PRKAR2B: variants seen among roughly 807,000 people sequenced by gnomAD.
PRKAR2B encodes the protein cAMP-dependent protein kinase type II-beta regulatory subunit.
A neutral mutation model predicts 49.9 loss-of-function variants in PRKAR2B; 14 were observed. The observed-to-expected ratio is 0.28, with a 90% CI of 0.19 to 0.44. The LOEUF (loss-of-function observed/expected upper bound fraction) is 0.44. PRKAR2B is among the 20% of genes least tolerant of loss of function. The pLI, the probability that PRKAR2B is intolerant of heterozygous loss-of-function variation, is 1.00. For missense variants in PRKAR2B, 393 were observed against 537.9 expected (o/e 0.73, Z 2.67); for synonymous variants, 196 against 197.7 (o/e 0.99, Z 0.07).
At position 107,044,832 on chromosome 7, in the gene PRKAR2B, G is replaced by T; in HGVS notation, c.-76G>T. On this transcript the variant is annotated 5_prime_UTR_variant, in exon 1 of 11. Transcript: ENST00000265717. Reference sequence around the variant, plus strand: ...GCGCCAGCGCCGTAGGCGCTCGCTCGGCAGCCGCGGGGCCCTAGGCCGTGC... The same window carrying T: ...GCGCCAGCGCCGTAGGCGCTCGCTCTGCAGCCGCGGGGCCCTAGGCCGTGC... 2 of 1,212,318 alleles carry T rather than the reference G, an allele frequency of 1.6e-6. No individual in the cohort carries two copies. The highest frequency in any genetic ancestry group is 2.1e-6 in the Non-Finnish European group (2 of 952,278). The allele number at this position is 1,212,318 out of a possible 1,614,324, so 75.1% of individuals were successfully genotyped here. A position where few individuals can be genotyped will look rare whatever the true frequency, so the allele number is the denominator to read the frequency against.
At chr7:107,093,509 T>C (rs1360998538) in intron 2 of PRKAR2B, among the ~76,000 whole-genome samples, 2 of 113,382 alleles carry the variant, frequency 1.8e-5, no homozygotes, top group Non-Finnish European at 4.1e-5. Context: ...CCCACTTTTT[T>C]TTCTTTTTTT....
intron 1 of PRKAR2B, chr7:107,066,765 G>C (rs897225499): frequency 6.6e-6 from 1 of 151,770 alleles, no homozygotes; most frequent in South Asian, 2.1e-4. Context: ...TATAGAGATG[G>C]GGTTTCTCTT....
chr7:107,046,838 A>G (rs1182965990), intron 1 of PRKAR2B, among the ~76,000 whole-genome samples: 2 of 152,036 alleles, frequency 1.3e-5, no homozygotes, highest in Non-Finnish European at 2.9e-5. Context: ...GACCATATAT[A>G]TATATATATT....
At chr7:107,128,370 T>G in intron 4 of PRKAR2B, 75 bp downstream of exon 4, 1 of 1,149,682 alleles carries the variant, frequency 8.7e-7, no homozygotes. Flanking sequence ...TACAGGGTCT[T>G]GAGTTTTGCC....
chr7:107,048,056 C>T (rs1036957894), intron 1 of PRKAR2B, among the ~76,000 whole-genome samples: 3 of 151,802 alleles, frequency 2.0e-5, no homozygotes, highest in African/African-American at 7.3e-5. Context: ...AACGATAAGG[C>T]CATCACTTGC....
At chr7:107,067,232 C>T (rs917988123) in intron 1 of PRKAR2B, 1 of 152,162 alleles carries the variant, frequency 6.6e-6, no homozygotes, top group Non-Finnish European at 1.5e-5. Context: ...CAGCCTTCTT[C>T]TCTATTTTGG....
At chr7:107,139,622 T>A (rs972928337) in intron 4 of PRKAR2B, among the ~76,000 whole-genome samples, 1 of 152,214 alleles carries the variant, frequency 6.6e-6, no homozygotes, top group Admixed American at 6.5e-5. Flanking sequence ...CACTGCAGTC[T>A]CACCTGTGCG....
intron 1 of PRKAR2B, among the ~76,000 whole-genome samples, chr7:107,058,245 T>A (rs1321134327): frequency 6.6e-6 from 1 of 152,156 alleles, no homozygotes; most frequent in East Asian, 1.9e-4. Context: ...TAGGTAGAAG[T>A]ATTGAAAATT....
At chr7:107,143,848 C>T (rs188939989) in intron 5 of PRKAR2B, among the ~76,000 whole-genome samples, 119 of 152,178 alleles carry the variant, frequency 7.8e-4, no homozygotes, top group African/African-American at 2.8e-3. Context: ...AGACTTGGGT[C>T]TCATTCCCAA....
At chr7:107,089,137 C>A (rs1157579730) in intron 2 of PRKAR2B, among the ~76,000 whole-genome samples, 10 of 152,118 alleles carry the variant, frequency 6.6e-5, no homozygotes, top group African/African-American at 2.4e-4. Context: ...CACTGCACTC[C>A]AGCCTGGGAA....
chr7:107,138,890 G>C (rs1318226681), intron 4 of PRKAR2B, among the ~76,000 whole-genome samples: 1 of 151,984 alleles, frequency 6.6e-6, no homozygotes, highest in Admixed American at 6.5e-5. Flanking sequence ...TGTTGCCCAG[G>C]CTGGTCTCAC....
chr7:107,142,983 G>A (rs767698718), intron 5 of PRKAR2B, among the ~76,000 whole-genome samples: 2 of 152,074 alleles, frequency 1.3e-5, no homozygotes, highest in Non-Finnish European at 2.9e-5. Context: ...GGCTGGTCTC[G>A]AACTCCTGCC....
chr7:107,127,105 G>A (rs1795510325), intron 3 of PRKAR2B, among the ~76,000 whole-genome samples: 2 of 152,180 alleles, frequency 1.3e-5, no homozygotes, highest in South Asian at 2.1e-4. Context: ...CATCTGATGT[G>A]GTTTGAAATG....
In PRKAR2B at chr7:107,116,336, C is replaced by T. The variant is rs116369733; in HGVS notation, c.344-5616C>T. Reference sequence around the variant, plus strand: ...TCCCTGCCCTCTGAGCTACCGGTTGCTCCTTTCTCGTCTGTGTTCCTCCGG... The same window carrying T: ...TCCCTGCCCTCTGAGCTACCGGTTGTTCCTTTCTCGTCTGTGTTCCTCCGG... On this transcript the variant is annotated intron_variant, in intron 2 of 10. Coordinates refer to ENST00000265717, the MANE Select transcript of PRKAR2B (RefSeq NM_002736.3). Among the ~76,000 whole-genome samples, 458 of 152,278 alleles carry T rather than the reference C, an allele frequency of 3.0e-3. 4 individuals carry two copies. Among genetic ancestry groups the T allele is most frequent in the African/African-American group, 0.01 (432 of 41,552 alleles).
intron 7 of PRKAR2B, among the ~76,000 whole-genome samples, chr7:107,152,127 C>T (rs1321724709): frequency 6.6e-6 from 1 of 152,204 alleles, no homozygotes; most frequent in African/African-American, 2.4e-5. Flanking sequence ...CGAGTTAGCA[C>T]TGACTCATAT....
intron 2 of PRKAR2B, among the ~76,000 whole-genome samples, chr7:107,073,578 A>G (rs1794328646): frequency 6.6e-6 from 1 of 152,224 alleles, no homozygotes; most frequent in African/African-American, 2.4e-5. Context: ...TCCACAAAAC[A>G]TGATGAAAAA....
intron 5 of PRKAR2B, among the ~76,000 whole-genome samples, chr7:107,146,027 C>A (rs1171909300): frequency 6.6e-6 from 1 of 152,082 alleles, no homozygotes; most frequent in African/African-American, 2.4e-5. Flanking sequence ...AGGTGTGAGA[C>A]CCGGCCTCTC....
At chr7:107,052,436 T>G (rs1187738695) in intron 1 of PRKAR2B, among the ~76,000 whole-genome samples, 1 of 152,076 alleles carries the variant, frequency 6.6e-6, no homozygotes, top group Non-Finnish European at 1.5e-5. Context: ...AAATAAATGG[T>G]GTCCTTTTTA....
At chr7:107,053,824 T>C (rs1019316241) in intron 1 of PRKAR2B, among the ~76,000 whole-genome samples, 6 of 152,092 alleles carry the variant, frequency 3.9e-5, no homozygotes, top group Non-Finnish European at 2.9e-5. Flanking sequence ...AATCAGTAAA[T>C]TATGGAAATA....
Sources: allele counts gnomAD v4.1 joint callset (sites outside exome capture counted in the v4.1 genomes callset), GRCh38; gene constraint gnomAD v4.1.1; transcripts MANE v1.5; gene names NCBI Gene and HGNC (gene_info 2026-07-23, HGNC 2026-07-21).